FBH1: variants seen among roughly 807,000 people sequenced by gnomAD.
The protein encoded by FBH1 is DNA 3'-5' helicase 1.
In FBH1, 43 loss-of-function variants were observed where a neutral mutation model predicts 115.5. The ratio of observed to expected loss-of-function variants is 0.37; its 90% CI spans 0.29 to 0.48. The LOEUF (loss-of-function observed/expected upper bound fraction) is 0.48. Ranked by LOEUF, FBH1 falls within the 20% of genes least tolerant of loss-of-function variation. FBH1 has a pLI of 0.99. For synonymous variants in FBH1, 524 were observed against 507.8 expected, an observed-to-expected ratio of 1.03 and a Z score of -0.43; for missense variants, 1,001 against 1,337.3, an observed-to-expected ratio of 0.75 and a Z score of 3.92.
rs55897441 is a variant in FBH1, at chr10:5,910,887, T to C, written c.1021-51T>C. On this transcript the variant is annotated intron_variant, in intron 5 of 20. Transcript: ENST00000362091. This position sits in a 1 kb window ranked among gnomAD's most constrained non-coding sequence, Gnocchi z 4.8. ...TGACTCCTTCCTGCTGTGATTCGTA[T>C]TAACCATGGCCTGTGGGCTGTCCCT... is the stretch of plus-strand genomic sequence containing the variant. The C allele has an allele frequency of 1.2e-3, 1,821 of 1,522,618 alleles. 22 individuals are homozygous for C. In the African/African-American group the frequency reaches 0.021, roughly 18 times the overall value. 94.3% of individuals were successfully genotyped at this position (1,522,618 alleles called of 1,614,324 possible). A position where few individuals can be genotyped will look rare whatever the true frequency, so the allele number is the denominator to read the frequency against.
chr10:5,936,737 G>C lies in FBH1; in HGVS notation c.2961+150G>C, dbSNP rs1183587742. ...CATATGAGAGGCACAAGAGGTGTGT[G>C]GTCTGTCCCAGGGTCAGAGGTCAGG... is the stretch of plus-strand genomic sequence containing the variant. On this transcript the variant is annotated intron_variant, in intron 20 of 20. Coordinates refer to ENST00000362091, the MANE Select transcript of FBH1 (RefSeq NM_178150.3). This position sits in a 1 kb window ranked among gnomAD's most constrained non-coding sequence, Gnocchi z 5.6. 7.6e-6 allele frequency: 8 copies of C among 1,053,990 alleles called. No homozygotes were observed. The highest frequency in any genetic ancestry group is 6.8e-5 in the Admixed American group (3 of 44,346). 65.3% of individuals were successfully genotyped at this position (1,053,990 alleles called of 1,614,324 possible). A position where few individuals can be genotyped will look rare whatever the true frequency, so the allele number is the denominator to read the frequency against.
chr10:5,909,435 T>G lies in FBH1; in HGVS notation c.1020+141T>G, dbSNP rs920050241. 5.2e-6 allele frequency: 5 copies of G among 960,142 alleles called. No individual in the cohort carries two copies. Among genetic ancestry groups the G allele is most frequent in the Admixed American group, 6.0e-5 (2 of 33,110 alleles). The allele number at this position is 960,142 out of a possible 1,614,324, so 59.5% of individuals were successfully genotyped here. On this transcript the variant is annotated intron_variant, in intron 5 of 20. Coordinates refer to ENST00000362091, the MANE Select transcript of FBH1 (RefSeq NM_178150.3). The surrounding 1 kb of genome is among the most constrained non-coding windows in gnomAD (Gnocchi z 4.4). ...CTCTGAATGCTTTGAAGCATTCATG[T>G]TGTCATTGTCCCCAGTGGAGAAATA...
In FBH1 at chr10:5,916,390, T is replaced by C. The variant is rs1213986372; in HGVS notation, c.1722T>C (p.Asp574=). 1 of 1,614,102 alleles carries C rather than the reference T, an allele frequency of 6.2e-7. No homozygotes were observed. Among genetic ancestry groups the C allele is most frequent in the African/African-American group, 1.3e-5 (1 of 74,928 alleles). ...CGGCTGACGAAGAGCTGACCATTGA[T>C]CACGTGCCTATTTGGTGTAAGAACA... ...FASADEELTI[D]HVPIWCKNSQ... The change falls in exon 10 of 21, where the codon GAT becomes GAC. Residue 574 remains aspartate, a synonymous_variant. Coordinates refer to ENST00000362091, the MANE Select transcript of FBH1 (RefSeq NM_178150.3).
intron 1 of FBH1, among the ~76,000 whole-genome samples, chr10:5,898,482 C>G (rs184795124): frequency 3.5e-4 from 53 of 152,192 alleles, no homozygotes; most frequent in African/African-American, 1.2e-3. Flanking sequence ...ACAATCTTGG[C>G]TCACAGCAAC....
chr10:5,923,572 AAAC>A lies in FBH1; in HGVS notation c.2323-46_2323-44del, dbSNP rs770932674. On this transcript the variant is annotated intron_variant, in intron 15 of 20. Coordinates refer to ENST00000362091, the MANE Select transcript of FBH1 (RefSeq NM_178150.3). This position sits in a 1 kb window ranked among gnomAD's most constrained non-coding sequence, Gnocchi z 5.7. ...TGTTAAAGCAACAACAAACAAAACA[AAAC>A]AAAAAACAACAAAAAAACAAAAATC... 1 of 1,511,288 alleles carries A rather than the reference AAAC, an allele frequency of 6.6e-7. No individual in the cohort carries two copies. Among genetic ancestry groups the A allele is most frequent in the Admixed American group, 1.8e-5 (1 of 56,568 alleles). 93.6% of individuals were successfully genotyped at this position (1,511,288 alleles called of 1,614,324 possible).
rs1375461934 is a variant in FBH1 at position 5,895,865 on chromosome 10, G to C, written c.1+5519G>C. ...CCATTGCATTGGCTGGCACCCAGCGGTAAGGCGACATCCACCTGCACGCAG... is the reference window on the plus strand; with the variant it reads ...CCATTGCATTGGCTGGCACCCAGCGCTAAGGCGACATCCACCTGCACGCAG... On this transcript the variant is annotated intron_variant, in intron 1 of 20. Coordinates refer to ENST00000362091, the MANE Select transcript of FBH1 (RefSeq NM_178150.3). The surrounding 1 kb of genome is among the most constrained non-coding windows in gnomAD (Gnocchi z 5.0). Among the ~76,000 whole-genome samples, 7 of 152,234 alleles carry C rather than the reference G, an allele frequency of 4.6e-5. No individual in the cohort carries two copies. The highest frequency in any genetic ancestry group is 7.3e-5 in the Non-Finnish European group (5 of 68,038).
chr10:5,890,322 C>T lies in FBH1; in HGVS notation c.-24C>T, dbSNP rs1201805751. On this transcript the variant is annotated 5_prime_UTR_variant, in exon 1 of 21. Transcript: ENST00000362091. Reference sequence around the variant, plus strand: ...GGCGCGGGCCCGGCGGCGGCGGCAGCGGGGTCCGGGTCCGGAGCGCCACAG... The same window carrying T: ...GGCGCGGGCCCGGCGGCGGCGGCAGTGGGGTCCGGGTCCGGAGCGCCACAG... 5 of 375,656 alleles carry T rather than the reference C, an allele frequency of 1.3e-5. No homozygotes were observed. Among genetic ancestry groups the T allele is most frequent in the Middle Eastern group, 7.1e-4 (1 of 1,414 alleles). The allele number at this position is 375,656 out of a possible 1,614,324, so 23.3% of individuals were successfully genotyped here. A position where few individuals can be genotyped will look rare whatever the true frequency, so the allele number is the denominator to read the frequency against.
At chr10:5,892,687 G>A (rs1254258309) in intron 1 of FBH1, among the ~76,000 whole-genome samples, 3 of 152,168 alleles carry the variant, frequency 2.0e-5, no homozygotes, top group Non-Finnish European at 2.9e-5. Flanking sequence ...CACTCCGGGG[G>A]AAAAAGTGAT....
In FBH1 at chr10:5,908,972, G is replaced by A. The variant is rs1369763682; in HGVS notation, c.801G>A (p.Glu267=). The part of the protein sequence containing the change: ...KLYHRYLMNE[E]QAVSKVDGIL... ...ACCATCGATACCTGATGAATGAAGAGCAAGCTGTCAGCAAAGTGGACGGCA... is the reference window on the plus strand; with the variant it reads ...ACCATCGATACCTGATGAATGAAGAACAAGCTGTCAGCAAAGTGGACGGCA... The change falls in exon 4 of 21, where the codon GAG becomes GAA. Residue 267 remains glutamate (E), a synonymous_variant. Transcript: ENST00000362091. The A allele has an allele frequency of 1.2e-6, 2 of 1,614,092 alleles. No homozygotes were observed. Among genetic ancestry groups the A allele is most frequent in the Non-Finnish European group, 1.7e-6 (2 of 1,180,042 alleles).
rs200423565 is a variant in FBH1, at chr10:5,925,505, C to T, written c.2722+13C>T. 147 of 1,613,114 alleles carry T rather than the reference C, an allele frequency of 9.1e-5. No individual in the cohort carries two copies. The highest frequency in any genetic ancestry group is 6.0e-4 in the South Asian group (55 of 90,996). ...CACTTCAGAGTTGGTAAGAGGCCGC[C>T]GGGTAGTGTCAGGTGCTGCTGTATG... On this transcript the variant is annotated intron_variant, in intron 18 of 20. Transcript: ENST00000362091. The surrounding 1 kb of genome is among the most constrained non-coding windows in gnomAD (Gnocchi z 4.6).
Position 5,921,648 on chromosome 10 carries a change from C to T in FBH1, c.2322+79C>T. 1 of 1,549,408 alleles carries T rather than the reference C, an allele frequency of 6.5e-7. No individual in the cohort carries two copies. The highest frequency in any genetic ancestry group is 8.7e-7 in the Non-Finnish European group (1 of 1,155,066). On this transcript the variant is annotated intron_variant, in intron 15 of 20. Coordinates refer to ENST00000362091, the MANE Select transcript of FBH1 (RefSeq NM_178150.3). The surrounding 1 kb of genome is among the most constrained non-coding windows in gnomAD (Gnocchi z 6.4). Reference sequence around the variant, plus strand: ...ATACCCAATGGAAATGTTCACCTTCCTTGGGATTATCATGCAAGAAAGCAT... The same window carrying T: ...ATACCCAATGGAAATGTTCACCTTCTTTGGGATTATCATGCAAGAAAGCAT...
upstream of FBH1, chr10:5,889,874 C>T (rs998246703): frequency 6.2e-6 from 1 of 160,406 alleles, no homozygotes; most frequent in Non-Finnish European, 1.4e-5. Flanking sequence ...CTGCCCCGCA[C>T]GCGTCCTCAG....
At position 5,918,055 on chromosome 10, in the gene FBH1, A is replaced by G. The variant is rs1234532023; in HGVS notation, c.1964-287A>G. ...TTGTAGGTCAATTTTGAGTGCTATAATATTAGAGAAGACACTGCCTCATTT... is the reference window on the plus strand; with the variant it reads ...TTGTAGGTCAATTTTGAGTGCTATAGTATTAGAGAAGACACTGCCTCATTT... On this transcript the variant is annotated intron_variant, in intron 12 of 20. Coordinates refer to ENST00000362091, the MANE Select transcript of FBH1 (RefSeq NM_178150.3). This position sits in a 1 kb window ranked among gnomAD's most constrained non-coding sequence, Gnocchi z 4.0. 6.7e-6 allele frequency among the ~76,000 whole-genome samples: 1 copy of G among 149,592 alleles called. No homozygotes were observed. Among genetic ancestry groups the G allele is most frequent in the Non-Finnish European group, 1.5e-5 (1 of 66,928 alleles).
In FBH1 at chr10:5,936,461, C is replaced by T; in HGVS notation, c.2835C>T (p.Tyr945=). The part of the protein sequence containing the change: ...LENILTLAGE[Y]FLQAELTSNV... ...TCTCGCTCTTTCTTTCTCAGGAGTA[C>T]TTCTTGCAAGCAGAGCTGACAAGCA... The change falls in exon 20 of 21, where the codon TAC becomes TAT. Residue 945 remains tyrosine (Y), a synonymous_variant. Coordinates refer to ENST00000362091, the MANE Select transcript of FBH1 (RefSeq NM_178150.3). The surrounding 1 kb of genome is among the most constrained non-coding windows in gnomAD (Gnocchi z 5.6). 6.2e-7 allele frequency: 1 copy of T among 1,613,732 alleles called. No individual in the cohort carries two copies. The highest frequency in any genetic ancestry group is 8.5e-7 in the Non-Finnish European group (1 of 1,179,858).
At chr10:5,922,351 CA>C (rs1420146805) in intron 15 of FBH1, among the ~76,000 whole-genome samples, 29 of 152,266 alleles carry the variant, frequency 1.9e-4, no homozygotes, top group African/African-American at 6.7e-4. Context: ...TGTATTTTTG[CA>C]TAATTGCAAT....
At position 5,921,308 on chromosome 10, in the gene FBH1, T is replaced by C. The variant is rs1832300034; in HGVS notation, c.2151T>C (p.Asp717=). Residue 717 remains aspartate (D), a synonymous_variant, in exon 14 of 21, where the codon GAT becomes GAC. Coordinates refer to ENST00000362091, the MANE Select transcript of FBH1 (RefSeq NM_178150.3). The surrounding 1 kb of genome is among the most constrained non-coding windows in gnomAD (Gnocchi z 6.4). The stretch of plus-strand genomic sequence containing the variant: ...CTTATGTGGGAGCTACTATCTTGGA[T>C]GTTTGCAAGAGAGTCAGGAAAAAGA... The part of the protein sequence containing the change: ...EIAYVGATIL[D]VCKRVRKKTL... The C allele has an allele frequency of 6.2e-7, 1 of 1,614,238 alleles. No individual in the cohort carries two copies. The highest frequency in any genetic ancestry group is 8.5e-7 in the Non-Finnish European group (1 of 1,180,034).
chr10:5,916,432 C>T lies in FBH1; in HGVS notation c.1764C>T (p.Val588=). The change falls in exon 10 of 21, where the codon GTC becomes GTT. Residue 588 remains valine, a synonymous_variant. Coordinates refer to ENST00000362091, the MANE Select transcript of FBH1 (RefSeq NM_178150.3). ...IWCKNSQGQR[V]MVEQSEKLNG... ...GTAAGAACAGCCAAGGACAGAGAGT[C>T]ATGGTTGAGCAGAGTGAAAAACTGG... 1.2e-6 allele frequency: 2 copies of T among 1,609,562 alleles called. No homozygotes were observed. Among genetic ancestry groups the T allele is most frequent in the Non-Finnish European group, 1.7e-6 (2 of 1,177,492 alleles).
chr10:5,901,980 T>C (rs1000427714), intron 1 of FBH1, among the ~76,000 whole-genome samples: 14 of 152,234 alleles, frequency 9.2e-5, no homozygotes, highest in African/African-American at 3.4e-4. Flanking sequence ...TGGTTACACA[T>C]GGATAAGAAT....
intron 1 of FBH1, among the ~76,000 whole-genome samples, chr10:5,901,623 G>A (rs1218795221): frequency 1.4e-5 from 2 of 141,920 alleles, no homozygotes; most frequent in Non-Finnish European, 3.0e-5. Flanking sequence ...GGAGTGCAAT[G>A]GCACAATCTT....
Sources: allele counts gnomAD v4.1 joint callset (sites outside exome capture counted in the v4.1 genomes callset), GRCh38; gene constraint gnomAD v4.1.1; non-coding constraint Gnocchi (gnomAD v3.1); transcripts MANE v1.5; gene names NCBI Gene and HGNC (gene_info 2026-07-23, HGNC 2026-07-21).